Variants in CPD observed in about 807,000 individuals in gnomAD.
The protein encoded by CPD is carboxypeptidase D.
CPD carries 69 observed loss-of-function variants against 138.3 expected under a neutral mutation model. That is an observed-to-expected ratio of 0.50 (90% CI 0.41 to 0.61). The LOEUF (loss-of-function observed/expected upper bound fraction) is 0.61. Ranked by LOEUF, CPD falls within the 20% of genes least tolerant of loss-of-function variation. The pLI is 0.00. For missense variants in CPD, 1,432 were observed against 1,733.3 expected (o/e 0.83, Z 3.09); for synonymous variants, 651 against 642.1 (o/e 1.01, Z -0.21).
rs371569469 is a variant in CPD, at chr17:30,446,795, A to G, written c.2873+775A>G. ...GAACTAGTTTACAGTCCCACCAACA[A>G]TGTAAAAGTGTTCCTATTTCTCCAC... On this transcript the variant is annotated intron_variant, in intron 12 of 20. Coordinates refer to ENST00000225719, the MANE Select transcript of CPD (RefSeq NM_001304.5). Among the ~76,000 whole-genome samples the G allele has an allele frequency of 3.2e-3, 492 of 152,264 alleles. 4 individuals are homozygous for G. The highest frequency in any genetic ancestry group is 0.011 in the African/African-American group (464 of 41,560).
At chr17:30,400,824 ATTTTT>A (rs778290874) in intron 2 of CPD, among the ~76,000 whole-genome samples, 20 of 125,766 alleles carry the variant, frequency 1.6e-4, no homozygotes, top group African/African-American at 5.9e-4. Flanking sequence ...CGCCCGGTTA[ATTTTT>A]TTTTTTTTTT....
intron 2 of CPD, among the ~76,000 whole-genome samples, chr17:30,413,943 G>C (rs1242841076): frequency 6.6e-6 from 1 of 152,164 alleles, no homozygotes; most frequent in East Asian, 1.9e-4. Context: ...TTATCCGGGG[G>C]AAGAGCATTC....
At chr17:30,382,234 A>C (rs1911069082) in intron 1 of CPD, among the ~76,000 whole-genome samples, 1 of 152,154 alleles carries the variant, frequency 6.6e-6, no homozygotes, top group Non-Finnish European at 1.5e-5. Context: ...AAGTTATCTT[A>C]ATTTTTTTCA....
rs145254310 is a variant in CPD at position 30,443,844 on chromosome 17, G to A, written c.2416G>A (p.Gly806Ser). The A allele has an allele frequency of 3.3e-4, 530 of 1,613,626 alleles. 2 individuals carry two copies. Among genetic ancestry groups the A allele is most frequent in the South Asian group, 1.3e-3 (118 of 91,066 alleles). ...VRGFVLDATD[G>S]RGILNATISV... ...AGGATTTGTTCTAGATGCCACAGAT[G>A]GCAGGGGTATATTAAATGCCACCAT... The change falls in exon 11 of 21, where the codon GGC (glycine) becomes AGC (serine). Residue 806 changes from glycine (G) to serine (S), a missense_variant. Gly to Ser is a moderately conservative substitution (Grantham distance 56). Around this residue, in one of 6 missense-constraint regions of CPD, gnomAD observed 297 missense variants for 405.3 expected, o/e 0.73. Transcript: ENST00000225719.
In CPD at chr17:30,466,607, T is replaced by C. The variant is rs1380501311; in HGVS notation, c.*1793T>C. ...TTTCTAATAATCTTTATGTTTTCTT[T>C]AAGGATGGTGGTGTATTGCTCTTTT... On this transcript the variant is annotated 3_prime_UTR_variant, in exon 21 of 21. Transcript: ENST00000225719. 6.6e-6 allele frequency: 1 copy of C among 152,618 alleles called. No individual in the cohort carries two copies. The highest frequency in any genetic ancestry group is 1.5e-5 in the Non-Finnish European group (1 of 68,030). 9.5% of individuals were successfully genotyped at this position (152,618 alleles called of 1,614,324 possible). A position where few individuals can be genotyped will look rare whatever the true frequency, so the allele number is the denominator to read the frequency against.
intron 6 of CPD, among the ~76,000 whole-genome samples, chr17:30,424,543 A>G (rs1912351531): frequency 6.6e-6 from 1 of 152,342 alleles, no homozygotes; most frequent in South Asian, 2.1e-4. Context: ...TTGGGTTTAC[A>G]GTTCTTATTA....
chr17:30,448,362 A>G (rs1913081081), intron 12 of CPD, among the ~76,000 whole-genome samples: 1 of 152,170 alleles, frequency 6.6e-6, no homozygotes, highest in South Asian at 2.1e-4. Context: ...TCCTGTCTCT[A>G]AAACAAACAA....
chr17:30,451,323 G>A (rs1463565461), intron 13 of CPD, among the ~76,000 whole-genome samples: 1 of 152,166 alleles, frequency 6.6e-6, no homozygotes, highest in Non-Finnish European at 1.5e-5. Context: ...TCCTTTGTGG[G>A]ACAGGTGCTC....
chr17:30,397,895 G>T (rs1305224437), intron 2 of CPD, among the ~76,000 whole-genome samples: 2 of 150,942 alleles, frequency 1.3e-5, no homozygotes, highest in South Asian at 2.1e-4. Context: ...AAAAAAACTG[G>T]TCATGGTGCA....
At position 30,379,277 on chromosome 17, in the gene CPD, C is replaced by T. The variant is rs1326683679; in HGVS notation, c.297C>T (p.Leu99=). Residue 99 remains leucine (L), a synonymous_variant, in exon 1 of 21, where the codon CTC becomes CTT. Coordinates refer to ENST00000225719, the MANE Select transcript of CPD (RefSeq NM_001304.5). The surrounding 1 kb of genome is among the most constrained non-coding windows in gnomAD (Gnocchi z 7.0). ...GCCGGCCGCTGTGGGTGCTTCGCCTCACCGCCGGCCTGGGGTCGCTAATCC... is the reference window on the plus strand; with the variant it reads ...GCCGGCCGCTGTGGGTGCTTCGCCTTACCGCCGGCCTGGGGTCGCTAATCC... ...VEGRPLWVLR[L]TAGLGSLIPE... 1 of 1,510,760 alleles carries T rather than the reference C, an allele frequency of 6.6e-7. No individual in the cohort carries two copies. The highest frequency in any genetic ancestry group is 8.8e-7 in the Non-Finnish European group (1 of 1,136,206). The allele number at this position is 1,510,760 out of a possible 1,614,324, so 93.6% of individuals were successfully genotyped here.
intron 2 of CPD, among the ~76,000 whole-genome samples, chr17:30,397,694 G>A (rs866016547): frequency 8.4e-5 from 11 of 131,462 alleles, no homozygotes; most frequent in African/African-American, 2.7e-4. Context: ...CTGTGACTAC[G>A]CCACTGCACT....
intron 2 of CPD, among the ~76,000 whole-genome samples, chr17:30,387,476 C>T (rs1022415304): frequency 6.6e-6 from 1 of 152,146 alleles, no homozygotes; most frequent in Non-Finnish European, 1.5e-5. Flanking sequence ...ATGAAAACAG[C>T]TATTACTCTT....
intron 13 of CPD, chr17:30,450,147 C>A (rs1176572452): frequency 6.7e-6 from 1 of 148,612 alleles, no homozygotes; most frequent in Non-Finnish European, 1.5e-5. Flanking sequence ...ACCTCCACCT[C>A]CTGGATTCAA....
chr17:30,451,709 A>G lies in CPD; in HGVS notation c.3070-2A>G. On this transcript the variant is annotated splice_acceptor_variant, in intron 13 of 20. Transcript: ENST00000225719. LOFTEE classifies it high-confidence loss of function. ...ACTCGTTAATTTCTGTTTGTGCTTC[A>G]GTTGGTTGACAGGACTAGGATTGTG... 6.2e-7 allele frequency: 1 copy of G among 1,612,084 alleles called. No individual in the cohort carries two copies. Among genetic ancestry groups the G allele is most frequent in the Non-Finnish European group, 8.5e-7 (1 of 1,179,132 alleles).
Position 30,422,788 on chromosome 17 carries a change from A to G in CPD, c.1422A>G (p.Val474=). 3 of 1,614,116 alleles carry G rather than the reference A, an allele frequency of 1.9e-6. No individual in the cohort carries two copies. The highest frequency in any genetic ancestry group is 2.5e-6 in the Non-Finnish European group (3 of 1,179,962). The part of the protein sequence containing the change: ...TSVIPDTTEA[V]STASTVAIPN... The stretch of plus-strand genomic sequence containing the variant: ...TAATCCCTGACACGACAGAGGCTGT[A>G]TCAACTGCTAGCACAGTTGCTATAC... Residue 474 remains valine (V), a synonymous_variant, in exon 5 of 21, where the codon GTA becomes GTG. Transcript: ENST00000225719.
intron 9 of CPD, among the ~76,000 whole-genome samples, chr17:30,439,404 TTTTC>T (rs1318554559): frequency 1.3e-5 from 2 of 149,938 alleles, no homozygotes; most frequent in African/African-American, 2.5e-5. Context: ...CTTTTTTTTT[TTTTC>T]TTTTCTTTTT....
rs1913675252 is a variant in CPD, at chr17:30,467,505, A to G, written c.*2691A>G. The G allele has an allele frequency of 2.6e-5, 4 of 152,188 alleles. No homozygotes were observed. The highest frequency in any genetic ancestry group is 5.9e-5 in the Non-Finnish European group (4 of 68,010). 9.4% of individuals were successfully genotyped at this position (152,188 alleles called of 1,614,324 possible). On this transcript the variant is annotated 3_prime_UTR_variant, in exon 21 of 21. Coordinates refer to ENST00000225719, the MANE Select transcript of CPD (RefSeq NM_001304.5). ...CCTATCCAGTTGAGGAATGCTTGCA[A>G]TGCTCATTGAAGGGATTTGCTTTGG...
intron 8 of CPD, among the ~76,000 whole-genome samples, chr17:30,432,766 A>T (rs192889539): frequency 1.2e-4 from 18 of 152,160 alleles, no homozygotes; most frequent in African/African-American, 1.7e-4. Flanking sequence ...AAATAAAAAA[A>T]AAATTAGCCG....
rs1913728210 is a variant in CPD at position 30,469,400 on chromosome 17, G to T, written c.*4586G>T. On this transcript the variant is annotated 3_prime_UTR_variant, in exon 21 of 21. Transcript: ENST00000225719. ...GTTTCTTGACATTCTCTGAGCCTCA[G>T]TTTCTCTACTGGTTGAATAATCCTT... 6.6e-6 allele frequency: 1 copy of T among 152,144 alleles called. No individual in the cohort carries two copies. Among genetic ancestry groups the T allele is most frequent in the African/African-American group, 2.4e-5 (1 of 41,414 alleles). 9.4% of individuals were successfully genotyped at this position (152,144 alleles called of 1,614,324 possible).
Sources: gnomAD v4.1 joint callset for allele counts (sites outside exome capture counted in the v4.1 genomes callset) on GRCh38, gnomAD v4.1.1 for gene constraint, gnomAD v4.1.1 regional missense constraint, Gnocchi (gnomAD v3.1) non-coding constraint, MANE v1.5 for transcripts, NCBI Gene and HGNC (gene_info 2026-07-23, HGNC 2026-07-21) for gene names.